Variants in CPM observed in about 807,000 individuals in gnomAD.
CPM encodes renal carboxypeptidase.
CPM carries 35 observed loss-of-function variants against 46.4 expected under a neutral mutation model. The observed-to-expected ratio is 0.75, with a 90% CI of 0.58 to 1.00. The LOEUF (loss-of-function observed/expected upper bound fraction) is 1.00. Ranked by LOEUF, CPM falls within the 50% of genes least tolerant of loss-of-function variation. The probability of loss-of-function intolerance (pLI) is 0.00; values close to 1 mark genes in which losing one functional copy is unlikely to be tolerated. For synonymous variants in CPM, 195 were observed against 195.3 expected (o/e 1.00, Z 0.01); for missense variants, 422 against 530.4 (o/e 0.80, Z 2.01).
chr12:68,945,216 A>G (rs1458183085), intron 1 of CPM, among the ~76,000 whole-genome samples: 1 of 152,136 alleles, frequency 6.6e-6, no homozygotes, highest in Non-Finnish European at 1.5e-5. Flanking sequence ...TCTCTAAGCA[A>G]GGAGGAGATT....
intron 5 of CPM, chr12:68,842,998 C>T (rs1303348913): frequency 4.7e-6 from 1 of 212,318 alleles, no homozygotes; most frequent in Non-Finnish European, 9.5e-6. Context: ...TAAGTTCTAA[C>T]TTGTCATTCC....
chr12:68,935,556 G>T (rs1888660514), upstream of CPM, among the ~76,000 whole-genome samples: 1 of 151,992 alleles, frequency 6.6e-6, no homozygotes, highest in African/African-American at 2.4e-5. Flanking sequence ...CTCCCAAAGT[G>T]CTGGGATTAC....
At chr12:68,962,179 G>T (rs1226068548) in intron 1 of CPM, among the ~76,000 whole-genome samples, 1 of 138,692 alleles carries the variant, frequency 7.2e-6, no homozygotes, top group Non-Finnish European at 1.5e-5. Flanking sequence ...CAGCCTGGGC[G>T]ACAGAGCGAG....
At chr12:68,939,273 G>T (rs1221259095) in intron 1 of CPM, among the ~76,000 whole-genome samples, 2 of 145,816 alleles carry the variant, frequency 1.4e-5, no homozygotes, top group Non-Finnish European at 3.0e-5. Flanking sequence ...TGTATATTAT[G>T]TACATATATA....
chr12:68,873,788 C>T (rs1207556213), intron 3 of CPM, among the ~76,000 whole-genome samples: 7 of 151,686 alleles, frequency 4.6e-5, no homozygotes, highest in Admixed American at 6.6e-5. Flanking sequence ...TTTTCCTACT[C>T]ATTTTTTATC....
chr12:68,906,873 T>C (rs1356202216), intron 2 of CPM, among the ~76,000 whole-genome samples: 1 of 152,248 alleles, frequency 6.6e-6, no homozygotes, highest in Non-Finnish European at 1.5e-5. Flanking sequence ...ATGCATACTG[T>C]TGTATAAATG....
intron 2 of CPM, among the ~76,000 whole-genome samples, chr12:68,889,325 A>G (rs1281724726): frequency 6.6e-6 from 1 of 152,230 alleles, no homozygotes; most frequent in Non-Finnish European, 1.5e-5. Flanking sequence ...ATGCACTACC[A>G]TTTATTCAAT....
chr12:68,864,951 G>A (rs929705561), intron 7 of CPM, among the ~76,000 whole-genome samples: 1 of 152,162 alleles, frequency 6.6e-6, no homozygotes, highest in Non-Finnish European at 1.5e-5. Flanking sequence ...AGGAGTTCAA[G>A]GTACAGTGGG....
At chr12:68,915,108 A>G (rs188553667) in intron 2 of CPM, among the ~76,000 whole-genome samples, 5 of 152,286 alleles carry the variant, frequency 3.3e-5, no homozygotes, top group African/African-American at 9.6e-5. Flanking sequence ...AGAATGTCCT[A>G]TGGAAACATA....
intron 2 of CPM, among the ~76,000 whole-genome samples, chr12:68,926,156 G>A (rs985165247): frequency 2.0e-5 from 3 of 152,044 alleles, no homozygotes; most frequent in Non-Finnish European, 4.4e-5. Context: ...GAGCTCGGGC[G>A]ATCCACCTGC....
At chr12:68,957,114 T>C (rs1889033293) in intron 1 of CPM, among the ~76,000 whole-genome samples, 1 of 152,158 alleles carries the variant, frequency 6.6e-6, no homozygotes, top group Non-Finnish European at 1.5e-5. Context: ...ATTCCTTTAT[T>C]TGTAAAATCG....
chr12:68,864,832 C>T (rs1885363324), intron 7 of CPM, among the ~76,000 whole-genome samples: 1 of 151,932 alleles, frequency 6.6e-6, no homozygotes, highest in African/African-American at 2.4e-5. Context: ...GACAACATAG[C>T]AAGATTCTGT....
At chr12:68,938,093 G>A (rs1420613450), upstream of CPM, among the ~76,000 whole-genome samples, 1 of 152,092 alleles carries the variant, frequency 6.6e-6, no homozygotes. Flanking sequence ...ACTATAGTCG[G>A]GGCTAAGTAC....
rs1263929513 is a variant in CPM, at chr12:68,915,371, C to T, written c.160+17307G>A. On this transcript the variant is annotated intron_variant, in intron 2 of 8. Transcript: ENST00000551568. Reference sequence around the variant, plus strand: ...TACAAGGGAAGTCTCATCTCCTTGGCATACAAGGCTTCTTGCAGCACAGTC... The same window carrying T: ...TACAAGGGAAGTCTCATCTCCTTGGTATACAAGGCTTCTTGCAGCACAGTC... Among the ~76,000 whole-genome samples the T allele has an allele frequency of 2.0e-5, 3 of 152,316 alleles. No individual in the cohort carries two copies. In the South Asian group the frequency reaches 6.2e-4, roughly 32 times the overall value.
chr12:68,905,278 TTCTC>T (rs1011761750), intron 2 of CPM, among the ~76,000 whole-genome samples: 5 of 151,304 alleles, frequency 3.3e-5, no homozygotes, highest in Non-Finnish European at 7.4e-5. Context: ...ATCTTTTTTT[TTCTC>T]TCTCTCTCTC....
At chr12:68,961,928 T>C (rs10784741) in intron 1 of CPM, among the ~76,000 whole-genome samples, 108,125 of 151,970 alleles carry the variant, frequency 0.71, 40,905 homozygotes, top group East Asian at 0.95. Context: ...TGGCCGGGCG[T>C]GGTGGCTCAT....
At position 68,866,952 on chromosome 12, in the gene CPM, G is replaced by A. The variant is rs1885478213; in HGVS notation, c.884C>T (p.Ser295Phe). Residue 295 changes from serine (S) to phenylalanine (F), a missense_variant, in exon 7 of 9, where the codon TCC (serine) becomes TTC (phenylalanine). Physicochemically the swap from Ser to Phe is radical, Grantham distance 155. Transcript: ENST00000551568. Reference sequence around the variant, plus strand: ...TGAGGCTTTGTTATTATTCCAAAAGGATGGAAGCTTCTCCTCACGAGGATA... The same window carrying A: ...TGAGGCTTTGTTATTATTCCAAAAGAATGGAAGCTTCTCCTCACGAGGATA... ...CKYPREEKLP[S>F]FWNNNKASLI... The A allele has an allele frequency of 1.2e-6, 2 of 1,614,108 alleles. No homozygotes were observed. Among genetic ancestry groups the A allele is most frequent in the South Asian group, 1.1e-5 (1 of 91,082 alleles).
intron 2 of CPM, among the ~76,000 whole-genome samples, chr12:68,897,726 G>C (rs1262081837): frequency 8.3e-6 from 1 of 120,044 alleles, no homozygotes; most frequent in Non-Finnish European, 1.7e-5. Context: ...GACAGAGCGA[G>C]ACTCCGTTTC....
chr12:68,960,679 T>C (rs537330304), intron 1 of CPM, among the ~76,000 whole-genome samples: 4 of 152,246 alleles, frequency 2.6e-5, no homozygotes, highest in African/African-American at 4.8e-5. Context: ...TTTGTTAAAA[T>C]ATATATATAT....
Sources: gnomAD v4.1 joint callset for allele counts (sites outside exome capture counted in the v4.1 genomes callset) on GRCh38, gnomAD v4.1.1 for gene constraint, MANE v1.5 for transcripts, NCBI Gene and HGNC (gene_info 2026-07-23, HGNC 2026-07-21) for gene names.